THAP12: variants seen among roughly 807,000 people sequenced by gnomAD.
THAP12 encodes 52 kDa repressor of the inhibitor of the protein kinase.
Under a neutral mutation model 63.0 loss-of-function variants are expected in THAP12, and 20 were observed. That is an observed-to-expected ratio of 0.32 (90% CI 0.22 to 0.46). The LOEUF is 0.46. Ranked by LOEUF, THAP12 falls within the 20% of genes least tolerant of loss-of-function variation. The pLI is 1.00. For missense variants in THAP12, 568 were observed against 908.2 expected (o/e 0.63, Z 4.81); for synonymous variants, 264 against 328.4 (o/e 0.80, Z 2.12).
intron 2 of THAP12, among the ~76,000 whole-genome samples, chr11:76,363,914 C>T (rs1292822538): frequency 1.3e-5 from 2 of 152,206 alleles, no homozygotes; most frequent in Non-Finnish European, 2.9e-5. Flanking sequence ...CCCAGAAATC[C>T]AGTTTTTAAT....
chr11:76,352,558 G>C lies in THAP12; in HGVS notation c.592C>G (p.Pro198Ala). The C allele has an allele frequency of 6.2e-7, 1 of 1,611,980 alleles. No homozygotes were observed. Among genetic ancestry groups the C allele is most frequent in the Non-Finnish European group, 8.5e-7 (1 of 1,179,838 alleles). ...TCCAGCAGTGCCTGAAAGTTATCTG[G>C]AGTAAAGAGACCTTCTGGGATTTCA... The part of the protein sequence containing the change: ...ADEIPEGLFT[P>A]DNFQALLECR... Residue 198 changes from proline (P) to alanine (A), a missense_variant, in exon 5 of 5, where the codon CCA becomes GCA. By Grantham distance (27) the Pro-to-Ala change is conservative. Transcript: ENST00000260045.
At chr11:76,355,759 T>G (rs1946557198) in intron 3 of THAP12, 105 bp from the exon 4 acceptor site, 6 of 909,690 alleles carry the variant, frequency 6.6e-6, no homozygotes, top group Non-Finnish European at 9.5e-6. Context: ...CTGAGTCAAT[T>G]TAATTCTTTC....
chr11:76,376,498 G>C (rs149161845), intron 1 of THAP12, among the ~76,000 whole-genome samples: 188 of 152,306 alleles, frequency 1.2e-3, no homozygotes, highest in African/African-American at 4.5e-3. Flanking sequence ...TCTCACAAAG[G>C]GGAGGACTAT....
chr11:76,358,164 A>G (rs557863573), intron 3 of THAP12: 1 of 151,992 alleles, frequency 6.6e-6, no homozygotes, highest in Non-Finnish European at 1.5e-5. Flanking sequence ...TCAAGAGCAG[A>G]TAACATCTAC....
chr11:76,372,909 G>A (rs1191687891), intron 1 of THAP12, among the ~76,000 whole-genome samples: 2 of 151,470 alleles, frequency 1.3e-5, no homozygotes, highest in Non-Finnish European at 2.9e-5. Flanking sequence ...AGGGTTCCAC[G>A]GTCAAAAAAG....
chr11:76,374,738 T>C (rs550662341), intron 1 of THAP12, among the ~76,000 whole-genome samples: 11 of 152,242 alleles, frequency 7.2e-5, no homozygotes, highest in Admixed American at 2.6e-4. Context: ...ATTATGAAAA[T>C]AGTTCTGACA....
chr11:76,374,493 T>C (rs1946695592), intron 1 of THAP12, among the ~76,000 whole-genome samples: 1 of 152,198 alleles, frequency 6.6e-6, no homozygotes, highest in African/African-American at 2.4e-5. Flanking sequence ...TCCAAAATTC[T>C]AATTTTCAAC....
At chr11:76,361,808 T>C (rs1160811639) in intron 2 of THAP12, among the ~76,000 whole-genome samples, 1 of 152,262 alleles carries the variant, frequency 6.6e-6, no homozygotes, top group Admixed American at 6.5e-5. Context: ...TGTTATCTTA[T>C]GTTTTTAAAA....
At chr11:76,372,118 T>C (rs577231805) in intron 1 of THAP12, among the ~76,000 whole-genome samples, 2 of 151,062 alleles carry the variant, frequency 1.3e-5, no homozygotes, top group South Asian at 4.2e-4. Flanking sequence ...GCCTATCTTT[T>C]ATTTCATTTT....
intron 1 of THAP12, among the ~76,000 whole-genome samples, chr11:76,375,169 T>C (rs561079819): frequency 7.2e-5 from 11 of 152,310 alleles, no homozygotes; most frequent in Admixed American, 2.0e-4. Flanking sequence ...CTTCATTAAA[T>C]TGCCAGAAGA....
At chr11:76,363,718 A>G (rs1378005318) in intron 2 of THAP12, among the ~76,000 whole-genome samples, 1 of 152,194 alleles carries the variant, frequency 6.6e-6, no homozygotes, top group Non-Finnish European at 1.5e-5. Context: ...CCTCCTGAGC[A>G]GCTGGGATTA....
chr11:76,356,955 T>C (rs1351980842), intron 3 of THAP12: 2 of 152,116 alleles, frequency 1.3e-5, no homozygotes, highest in African/African-American at 4.8e-5. Context: ...GGCAGGAGAA[T>C]TGCTTGAACC....
At chr11:76,378,829 G>A (rs769561414) in intron 1 of THAP12, among the ~76,000 whole-genome samples, 27 of 152,070 alleles carry the variant, frequency 1.8e-4, no homozygotes, top group Non-Finnish European at 2.6e-4. Context: ...GGCTGGTCTC[G>A]AACTCCTGAC....
At chr11:76,356,757 G>A (rs1217287039) in intron 3 of THAP12, 1 of 152,116 alleles carries the variant, frequency 6.6e-6, no homozygotes, top group Non-Finnish European at 1.5e-5. Context: ...AAAATGGATG[G>A]TTGTGCCGGG....
intron 1 of THAP12, among the ~76,000 whole-genome samples, chr11:76,377,490 G>A (rs1308945819): frequency 6.6e-6 from 1 of 152,094 alleles, no homozygotes; most frequent in African/African-American, 2.4e-5. Context: ...TAATATAATA[G>A]AATCATACAA....
At chr11:76,361,116 C>T in intron 2 of THAP12, 53 bp from the exon 3 acceptor site, 2 of 1,165,876 alleles carry the variant, frequency 1.7e-6, no homozygotes, top group Non-Finnish European at 2.5e-6. Context: ...ATATATTACA[C>T]ATCAATAAAA....
At chr11:76,363,844 G>C (rs913288296) in intron 2 of THAP12, among the ~76,000 whole-genome samples, 40 of 152,152 alleles carry the variant, frequency 2.6e-4, no homozygotes, top group African/African-American at 9.4e-4. Flanking sequence ...GACCGCAAAT[G>C]ATCTGCCCGC....
At chr11:76,375,098 A>G (rs1053838805) in intron 1 of THAP12, among the ~76,000 whole-genome samples, 11 of 152,248 alleles carry the variant, frequency 7.2e-5, no homozygotes, top group Non-Finnish European at 1.2e-4. Flanking sequence ...CACCCTCACG[A>G]GTCCCCAGAA....
chr11:76,353,304 T>C (rs904947253), intron 4 of THAP12, among the ~76,000 whole-genome samples: 2 of 152,268 alleles, frequency 1.3e-5, no homozygotes, highest in South Asian at 2.1e-4. Context: ...GTATTTTATA[T>C]GCATCACATT....
Sources: gnomAD v4.1 joint callset for allele counts (sites outside exome capture counted in the v4.1 genomes callset) on GRCh38, gnomAD v4.1.1 for gene constraint, MANE v1.5 for transcripts, NCBI Gene and HGNC (gene_info 2026-07-23, HGNC 2026-07-21) for gene names.